TXNDC16: variants seen among roughly 807,000 people sequenced by gnomAD.
TXNDC16 encodes thioredoxin domain containing 16, also known as thioredoxin domain-containing protein 16.
A neutral mutation model predicts 85.6 loss-of-function variants in TXNDC16; 74 were observed. That is an observed-to-expected ratio of 0.86 (90% CI 0.72 to 1.05). The LOEUF is 1.05. TXNDC16 is among the 50% of genes least tolerant of loss of function. The probability of loss-of-function intolerance (pLI) is 0.00; values close to 1 mark genes in which losing one functional copy is unlikely to be tolerated. For synonymous variants in TXNDC16, 335 were observed against 326.5 expected (o/e 1.03, Z -0.28); for missense variants, 959 against 947.0 (o/e 1.01, Z -0.17).
At chr14:52,474,042 T>A (rs1355288440) in intron 14 of TXNDC16, among the ~76,000 whole-genome samples, 1 of 152,182 alleles carries the variant, frequency 6.6e-6, no homozygotes. Context: ...CCAAAAAAAA[T>A]TGTTATTCAT....
intron 18 of TXNDC16, among the ~76,000 whole-genome samples, chr14:52,448,874 A>T (rs1195737559): frequency 2.0e-5 from 3 of 152,060 alleles, no homozygotes; most frequent in Non-Finnish European, 4.4e-5. Flanking sequence ...AAACAGTGTT[A>T]AGTTGTTATT....
At chr14:52,507,020 C>G (rs1202571519) in intron 9 of TXNDC16, among the ~76,000 whole-genome samples, 3 of 152,012 alleles carry the variant, frequency 2.0e-5, no homozygotes, top group Admixed American at 1.3e-4. Context: ...GGGATGCCCT[C>G]TCTCACCACT....
At chr14:52,512,006 T>A (rs144923455) in intron 8 of TXNDC16, among the ~76,000 whole-genome samples, 1 of 152,166 alleles carries the variant, frequency 6.6e-6, no homozygotes, top group African/African-American at 2.4e-5. Flanking sequence ...AAAATTAAAA[T>A]AGCATTTTAG....
intron 16 of TXNDC16, among the ~76,000 whole-genome samples, chr14:52,457,704 T>C (rs960488847): frequency 6.6e-6 from 1 of 152,232 alleles, no homozygotes; most frequent in African/African-American, 2.4e-5. Context: ...TCCTACATTT[T>C]CTCTAATGTG....
chr14:52,507,518 C>T (rs2036840958), intron 9 of TXNDC16, among the ~76,000 whole-genome samples: 1 of 152,112 alleles, frequency 6.6e-6, no homozygotes, highest in Non-Finnish European at 1.5e-5. Flanking sequence ...CAATGCCAAC[C>T]CCATCAAGCT....
rs762531450 is a variant in TXNDC16, at chr14:52,432,351, T to C, written c.2431A>G (p.Lys811Glu). 4.3e-6 allele frequency: 7 copies of C among 1,613,608 alleles called. No individual in the cohort carries two copies. The African/African-American group carries it at 8.0e-5, about 18-fold the overall frequency. ...AACTCTTTATCACGTCTAAATGATT[T>C]TTCTGCTTCTTTAAACCAATTACTT... The part of the protein sequence containing the change: ...NRSNWFKEAE[K>E]SFRRDKELGC... The change falls in exon 21 of 21, where the codon AAA (lysine) becomes GAA (glutamate). Residue 811 changes from lysine to glutamate, a missense_variant. Lys to Glu is a moderately conservative substitution (Grantham distance 56). Transcript: ENST00000281741.
At chr14:52,508,617 G>T (rs1594741615) in intron 9 of TXNDC16, among the ~76,000 whole-genome samples, 1 of 152,138 alleles carries the variant, frequency 6.6e-6, no homozygotes, top group Admixed American at 6.5e-5. Context: ...ACATGCACAC[G>T]TATGTTTACT....
At chr14:52,523,194 T>C (rs559237379) in intron 6 of TXNDC16, among the ~76,000 whole-genome samples, 2 of 152,180 alleles carry the variant, frequency 1.3e-5, no homozygotes, top group African/African-American at 4.8e-5. Context: ...TCTTGCTCTG[T>C]TGATGGGGTA....
At chr14:52,445,869 A>C (rs552528154) in intron 18 of TXNDC16, among the ~76,000 whole-genome samples, 1 of 152,350 alleles carries the variant, frequency 6.6e-6, no homozygotes, top group Non-Finnish European at 1.5e-5. Context: ...TGTATGATAA[A>C]ACTGCCTATC....
In TXNDC16 at chr14:52,439,288, C is replaced by A. The variant is rs1334905176; in HGVS notation, c.2110G>T (p.Ala704Ser). 6.2e-7 allele frequency: 1 copy of A among 1,613,936 alleles called. No homozygotes were observed. Among genetic ancestry groups the A allele is most frequent in the Admixed American group, 1.7e-5 (1 of 59,972 alleles). ...ATTATAGCCTGGTCTGAAGGAAATGCAAATACTTGGCCACCTGAATGCAGA... is the reference window on the plus strand; with the variant it reads ...ATTATAGCCTGGTCTGAAGGAAATGAAAATACTTGGCCACCTGAATGCAGA... ...VNLHSGGQVF[A>S]FPSDQAIIEE... The change falls in exon 20 of 21, where the codon GCA (alanine) becomes TCA (serine). Residue 704 changes from alanine (A) to serine (S), a missense_variant. Physicochemically the swap from Ala to Ser is moderately conservative, Grantham distance 99. Transcript: ENST00000281741.
chr14:52,455,880 C>T (rs2035520922), intron 17 of TXNDC16, among the ~76,000 whole-genome samples: 1 of 152,124 alleles, frequency 6.6e-6, no homozygotes, highest in African/African-American at 2.4e-5. Flanking sequence ...TTTTATTTAA[C>T]TTTCAGAATG....
Position 52,488,434 on chromosome 14 carries a change from T to A in TXNDC16, c.1037A>T (p.His346Leu). ...VLHDVDLIIS[H>L]VENNMHIEEI... The stretch of plus-strand genomic sequence containing the variant: ...CTCAATGTGCATATTATTTTCCACA[T>A]GAGATATTATTAAATCAACATCATG... Residue 346 changes from histidine to leucine, a missense_variant, in exon 12 of 21, where the codon CAT (histidine) becomes CTT (leucine). Transcript: ENST00000281741. 2 of 1,611,522 alleles carry A rather than the reference T, an allele frequency of 1.2e-6. No homozygotes were observed. Among genetic ancestry groups the A allele is most frequent in the Non-Finnish European group, 1.7e-6 (2 of 1,177,752 alleles).
intron 14 of TXNDC16, among the ~76,000 whole-genome samples, chr14:52,471,685 C>T (rs934016149): frequency 2.6e-5 from 4 of 151,918 alleles, no homozygotes; most frequent in Non-Finnish European, 5.9e-5. Context: ...ACCTGCAGTA[C>T]CTTAAATATG....
At chr14:52,540,965 G>A (rs1331870868) in intron 4 of TXNDC16, among the ~76,000 whole-genome samples, 1 of 152,176 alleles carries the variant, frequency 6.6e-6, no homozygotes, top group South Asian at 2.1e-4. Flanking sequence ...GCCGGGTGCA[G>A]TGGCTCATGC....
At chr14:52,432,921 C>T (rs1323917884) in intron 20 of TXNDC16, among the ~76,000 whole-genome samples, 1 of 152,114 alleles carries the variant, frequency 6.6e-6, no homozygotes, top group East Asian at 1.9e-4. Context: ...AACAAGATCA[C>T]ATACACATAT....
At chr14:52,456,762 AT>A (rs1179779857) in intron 17 of TXNDC16, among the ~76,000 whole-genome samples, 1 of 152,180 alleles carries the variant, frequency 6.6e-6, no homozygotes, top group Non-Finnish European at 1.5e-5. Flanking sequence ...AAAACCTCAG[AT>A]GCTCAAAAAG....
chr14:52,510,344 G>C (rs2036925881), intron 9 of TXNDC16, among the ~76,000 whole-genome samples: 1 of 152,032 alleles, frequency 6.6e-6, no homozygotes, highest in Non-Finnish European at 1.5e-5. Flanking sequence ...ATTCCTTAAG[G>C]AGCCCTCTAC....
intron 16 of TXNDC16, among the ~76,000 whole-genome samples, chr14:52,463,717 A>G (rs1006056814): frequency 3.9e-5 from 6 of 152,248 alleles, no homozygotes; most frequent in African/African-American, 1.4e-4. Flanking sequence ...CACTACTTAT[A>G]GAGAAACCTT....
chr14:52,528,521 TACTG>T (rs144970330), intron 6 of TXNDC16, among the ~76,000 whole-genome samples: 2,018 of 152,046 alleles, frequency 0.013, 32 homozygotes, highest in African/African-American at 0.045. Flanking sequence ...CTTGCCTGTT[TACTG>T]ACTAATAAAA....
Sources: gnomAD v4.1 joint callset for allele counts (sites outside exome capture counted in the v4.1 genomes callset) on GRCh38, gnomAD v4.1.1 for gene constraint, MANE v1.5 for transcripts, NCBI Gene and HGNC (gene_info 2026-07-23, HGNC 2026-07-21) for gene names.